Variants in RECK observed in about 807,000 individuals in gnomAD.
RECK encodes the protein reversion inducing cysteine rich protein with kazal motifs.
A neutral mutation model predicts 115.1 loss-of-function variants in RECK; 69 were observed. The observed-to-expected ratio is 0.60, with a 90% CI of 0.49 to 0.73. The LOEUF is 0.73. Among genes scored for constraint, RECK ranks in the 30% least tolerant of loss-of-function variants. The pLI is 0.00. For synonymous variants in RECK, 414 were observed against 419.7 expected (o/e 0.99, Z 0.17); for missense variants, 1,047 against 1,203.7 (o/e 0.87, Z 1.93).
chr9:36,094,737 A>G lies in RECK; in HGVS notation c.1085+3394A>G, dbSNP rs1462453147. ...AAAGTTCAATTTATCATGAAGATACAATTAACCTAGATATATATGCACCTA... is the reference window on the plus strand; with the variant it reads ...AAAGTTCAATTTATCATGAAGATACGATTAACCTAGATATATATGCACCTA... On this transcript the variant is annotated intron_variant, in intron 10 of 20. Coordinates refer to ENST00000377966, the MANE Select transcript of RECK (RefSeq NM_021111.3). The surrounding 1 kb of genome is among the most constrained non-coding windows in gnomAD (Gnocchi z 4.1). Among the ~76,000 whole-genome samples the G allele has an allele frequency of 2.0e-5, 3 of 152,218 alleles. No individual in the cohort carries two copies. The highest frequency in any genetic ancestry group is 7.2e-5 in the African/African-American group (3 of 41,448).
chr9:36,107,827 A>G lies in RECK; in HGVS notation c.1577-149A>G, dbSNP rs79244261. 5,106 of 601,834 alleles carry G rather than the reference A, an allele frequency of 8.5e-3. 217 individuals carry two copies. In the African/African-American group the frequency reaches 0.086, roughly 10 times the overall value. 37.3% of individuals were successfully genotyped at this position (601,834 alleles called of 1,614,324 possible). A position where few individuals can be genotyped will look rare whatever the true frequency, so the allele number is the denominator to read the frequency against. On this transcript the variant is annotated intron_variant, in intron 13 of 20. Coordinates refer to ENST00000377966, the MANE Select transcript of RECK (RefSeq NM_021111.3). ...AGGTATGTTTTTGGCCAATGAACCA[A>G]AGCAATTCCTTAATTTGGTGAAAGT...
Position 36,061,959 on chromosome 9 carries a change from C to T in RECK, c.271+1804C>T, listed in dbSNP as rs139455407. ...TGAAGTCCTAGTTTCATTTGGGGAA[C>T]TATGTTACTTACTGCCTTGAATCCC... On this transcript the variant is annotated intron_variant, in intron 4 of 20. Transcript: ENST00000377966. Among the ~76,000 whole-genome samples, 167 of 152,122 alleles carry T rather than the reference C, an allele frequency of 1.1e-3. 1 individual carries two copies. The highest frequency in any genetic ancestry group is 1.0e-3 in the Non-Finnish European group (70 of 68,004).
At chr9:36,043,010 C>CTTT (rs61673918) in intron 1 of RECK, among the ~76,000 whole-genome samples, 2,048 of 59,482 alleles carry the variant, frequency 0.034, 367 homozygotes, top group African/African-American at 0.068. Flanking sequence ...CCTTAGCCCA[C>CTTT]TTTTTTTTTT....
At chr9:36,038,548 G>A (rs895085362) in intron 1 of RECK, among the ~76,000 whole-genome samples, 1 of 152,144 alleles carries the variant, frequency 6.6e-6, no homozygotes, top group Non-Finnish European at 1.5e-5. Context: ...ACAGTGGAGT[G>A]GTTAAGAACA....
At chr9:36,088,288 A>T (rs574514875) in intron 9 of RECK, among the ~76,000 whole-genome samples, 1 of 152,304 alleles carries the variant, frequency 6.6e-6, no homozygotes, top group South Asian at 2.1e-4. Flanking sequence ...AGATGTTTTG[A>T]TCTGACATCT....
intron 1 of RECK, among the ~76,000 whole-genome samples, chr9:36,050,351 A>G (rs1327348323): frequency 6.6e-6 from 1 of 152,160 alleles, no homozygotes; most frequent in Non-Finnish European, 1.5e-5. Flanking sequence ...AAAACCTTAC[A>G]GTCATTCTTA....
intron 16 of RECK, among the ~76,000 whole-genome samples, chr9:36,113,716 G>A (rs1011081417): frequency 7.9e-5 from 12 of 152,260 alleles, no homozygotes; most frequent in South Asian, 2.1e-4. Flanking sequence ...CAGAGAAAGC[G>A]CTGATGTCCT....
At chr9:36,115,461 A>G (rs1824224420) in intron 16 of RECK, among the ~76,000 whole-genome samples, 2 of 151,952 alleles carry the variant, frequency 1.3e-5, no homozygotes, top group Admixed American at 1.3e-4. Flanking sequence ...GTTTACTTTT[A>G]TTTGCCCCCA....
rs1588290482 is a variant in RECK at position 36,067,455 on chromosome 9, C to T, written c.405+1831C>T. ...TACATTTGGAGGAGCTAATGTTTTT[C>T]TTTTTTGGTAAGCTGTTGTAGAGTT... On this transcript the variant is annotated intron_variant, in intron 6 of 20. Coordinates refer to ENST00000377966, the MANE Select transcript of RECK (RefSeq NM_021111.3). Among the ~76,000 whole-genome samples, 5 of 152,092 alleles carry T rather than the reference C, an allele frequency of 3.3e-5. No individual in the cohort carries two copies. The South Asian group carries it at 1.0e-3, about 32-fold the overall frequency.
At chr9:36,109,860 T>A in intron 14 of RECK, 97 bp from the exon 15 acceptor site, 2 of 1,189,118 alleles carry the variant, frequency 1.7e-6, no homozygotes, top group Non-Finnish European at 2.4e-6. Context: ...AAAAAAGGAA[T>A]TTCCATTTTA....
At chr9:36,115,402 A>G (rs1213229929) in intron 16 of RECK, among the ~76,000 whole-genome samples, 1 of 150,726 alleles carries the variant, frequency 6.6e-6, no homozygotes, top group Non-Finnish European at 1.5e-5. Flanking sequence ...TTTTCTAAAC[A>G]TTAGGACATA....
chr9:36,074,122 T>C (rs1234300281), intron 6 of RECK, among the ~76,000 whole-genome samples: 1 of 152,196 alleles, frequency 6.6e-6, no homozygotes, highest in African/African-American at 2.4e-5. Flanking sequence ...ATGGTACCAC[T>C]TTAAAGCCTT....
At chr9:36,122,262 A>G (rs541279982) in intron 20 of RECK, among the ~76,000 whole-genome samples, 1 of 152,328 alleles carries the variant, frequency 6.6e-6, no homozygotes, top group East Asian at 1.9e-4. Flanking sequence ...CAGTCTGTGA[A>G]TCACTAGGAA....
At chr9:36,073,231 G>A (rs199529136) in intron 6 of RECK, among the ~76,000 whole-genome samples, 2 of 94,908 alleles carry the variant, frequency 2.1e-5, no homozygotes, top group African/African-American at 7.8e-5. Context: ...GACACACACA[G>A]ACACACACAG....
chr9:36,071,053 A>C (rs758319440), intron 6 of RECK, among the ~76,000 whole-genome samples: 6 of 152,106 alleles, frequency 3.9e-5, no homozygotes, highest in Non-Finnish European at 8.8e-5. Context: ...AGCTGTAGTT[A>C]CATAGGCACC....
chr9:36,091,162 AG>A lies in RECK; in HGVS notation c.907del. Reference sequence around the variant, plus strand: ...GCTTCTGCATTTGTGCTCTTGTTTCAGGGAACTCTGCACTAAACTTTACAGC... The same window carrying A: ...GCTTCTGCATTTGTGCTCTTGTTTCAGGAACTCTGCACTAAACTTTACAGC... On this transcript the variant is annotated splice_acceptor_variant, in intron 9 of 20. Transcript: ENST00000377966. LOFTEE classifies it high-confidence loss of function. 1 of 1,613,338 alleles carries A rather than the reference AG, an allele frequency of 6.2e-7. No individual in the cohort carries two copies. The highest frequency in any genetic ancestry group is 8.5e-7 in the Non-Finnish European group (1 of 1,179,718).
intron 6 of RECK, 111 bp downstream of exon 6, chr9:36,065,735 T>C (rs1821969869): frequency 2.5e-5 from 22 of 868,162 alleles, no homozygotes; most frequent in Non-Finnish European, 3.3e-5. Context: ...CCCTTTTACC[T>C]TACAGAAAAT....
intron 6 of RECK, among the ~76,000 whole-genome samples, chr9:36,071,810 T>G (rs1271686434): frequency 1.3e-5 from 2 of 152,236 alleles, no homozygotes; most frequent in African/African-American, 4.8e-5. Context: ...GCTCTGGTTC[T>G]GTGAGAATGC....
At chr9:36,076,526 G>T (rs908109566) in intron 6 of RECK, among the ~76,000 whole-genome samples, 1 of 152,018 alleles carries the variant, frequency 6.6e-6, no homozygotes, top group Non-Finnish European at 1.5e-5. Flanking sequence ...TGGATCAAAG[G>T]GCTTGTACTA....
Sources: gnomAD v4.1 joint callset for allele counts (sites outside exome capture counted in the v4.1 genomes callset) on GRCh38, gnomAD v4.1.1 for gene constraint, Gnocchi (gnomAD v3.1) non-coding constraint, MANE v1.5 for transcripts, NCBI Gene and HGNC (gene_info 2026-07-23, HGNC 2026-07-21) for gene names.